The following MACROD2 variants were observed in gnomAD, a reference collection of about 807,000 sequenced individuals.
MACROD2 encodes the protein mono-ADP ribosylhydrolase 2, also known as ADP-ribose glycohydrolase MACROD2.
In MACROD2, 36 loss-of-function variants were observed where a neutral mutation model predicts 70.4. That is an observed-to-expected ratio of 0.51 (90% confidence interval 0.39 to 0.68). The LOEUF (loss-of-function observed/expected upper bound fraction) is 0.68. Among genes scored for constraint, MACROD2 ranks in the 30% least tolerant of loss-of-function variants. The pLI, the probability that MACROD2 is intolerant of heterozygous loss-of-function variation, is 0.00. For synonymous variants in MACROD2, 172 were observed against 178.8 expected (o/e 0.96, Z 0.30); for missense variants, 496 against 538.4 (o/e 0.92, Z 0.78).
At chr20:15,158,215 A>C (rs753542918) in intron 5 of MACROD2, among the ~76,000 whole-genome samples, 3 of 152,156 alleles carry the variant, frequency 2.0e-5, no homozygotes, top group Non-Finnish European at 4.4e-5. Flanking sequence ...TTCAACTTGC[A>C]GGTTTCTTTT....
At chr20:14,764,669 C>T (rs1353560981) in intron 5 of MACROD2, among the ~76,000 whole-genome samples, 1 of 152,034 alleles carries the variant, frequency 6.6e-6, no homozygotes, top group Admixed American at 6.5e-5. Context: ...AAACTGCACC[C>T]AGTGAGTATT....
Position 15,577,646 on chromosome 20 carries a change from C to T in MACROD2, c.645+77799C>T, listed in dbSNP as rs542497623. ...GTACTCCCTGCGTGCGTACTCCCTG[C>T]GTGCGTACATATTTATGTGGGCATG... On this transcript the variant is annotated intron_variant, in intron 8 of 17. Coordinates refer to ENST00000684519, the MANE Select transcript of MACROD2 (RefSeq NM_001351661.2). Among the ~76,000 whole-genome samples, 5 of 148,242 alleles carry T rather than the reference C, an allele frequency of 3.4e-5. No homozygotes were observed. The South Asian group carries it at 6.4e-4, about 19-fold the overall frequency.
At chr20:14,077,796 G>T (rs960204415) in intron 2 of MACROD2, among the ~76,000 whole-genome samples, 3 of 151,622 alleles carry the variant, frequency 2.0e-5, no homozygotes, top group African/African-American at 7.3e-5. Flanking sequence ...CCAACAGTGT[G>T]CTAATATAAA....
At chr20:14,142,078 C>T (rs2054883378) in intron 3 of MACROD2, among the ~76,000 whole-genome samples, 1 of 152,178 alleles carries the variant, frequency 6.6e-6, no homozygotes, top group Non-Finnish European at 1.5e-5. Context: ...GGTCACATTG[C>T]TGGTAAGCCA....
intron 3 of MACROD2, among the ~76,000 whole-genome samples, chr20:14,447,990 G>GTA (rs2084201816): frequency 6.6e-6 from 1 of 150,796 alleles, no homozygotes; most frequent in South Asian, 2.1e-4. Flanking sequence ...GTGTGTGTGT[G>GTA]TGTGTGTGTG....
At chr20:15,076,602 G>A (rs539342451) in intron 5 of MACROD2, among the ~76,000 whole-genome samples, 1 of 152,252 alleles carries the variant, frequency 6.6e-6, no homozygotes, top group African/African-American at 2.4e-5. Flanking sequence ...AAGGAGGTCT[G>A]TAGGAGATAT....
chr20:14,947,971 T>C (rs1436457861), intron 5 of MACROD2, among the ~76,000 whole-genome samples: 1 of 152,114 alleles, frequency 6.6e-6, no homozygotes, highest in African/African-American at 2.4e-5. Context: ...CACAAAAACT[T>C]TCTATCTTGT....
chr20:15,966,310 C>T (rs1369632081), intron 12 of MACROD2, among the ~76,000 whole-genome samples: 5 of 152,178 alleles, frequency 3.3e-5, no homozygotes, highest in African/African-American at 9.7e-5. Flanking sequence ...CATGGTCACA[C>T]GCTTACAAGA....
chr20:15,849,851 T>C (rs2064276694), intron 8 of MACROD2, among the ~76,000 whole-genome samples: 1 of 152,028 alleles, frequency 6.6e-6, no homozygotes, highest in African/African-American at 2.4e-5. Context: ...GGATAAACAA[T>C]GGCTCCATGG....
chr20:14,243,281 A>C (rs554647905), intron 3 of MACROD2, among the ~76,000 whole-genome samples: 56 of 152,308 alleles, frequency 3.7e-4, no homozygotes, highest in African/African-American at 1.3e-3. Context: ...GTTTGAAACA[A>C]AGTGAAATTA....
chr20:15,939,613 A>G lies in MACROD2; in HGVS notation c.907+2069A>G, dbSNP rs938471436. On this transcript the variant is annotated intron_variant, in intron 12 of 17. Transcript: ENST00000684519. ...GTACAAGGAACATAATGTTGTTTTCATGCCTGCTAACACATCTAGTGTGCA... is the reference window on the plus strand; with the variant it reads ...GTACAAGGAACATAATGTTGTTTTCGTGCCTGCTAACACATCTAGTGTGCA... 2.0e-5 allele frequency among the ~76,000 whole-genome samples: 3 copies of G among 151,884 alleles called. No homozygotes were observed. The Admixed American group carries it at 2.0e-4, about 10-fold the overall frequency.
At chr20:15,391,816 T>C (rs2045796751) in intron 6 of MACROD2, among the ~76,000 whole-genome samples, 2 of 152,248 alleles carry the variant, frequency 1.3e-5, no homozygotes, top group African/African-American at 4.8e-5. Context: ...TTGAAGGGCT[T>C]CACTTTTATT....
At chr20:14,767,312 A>T (rs1005681148) in intron 5 of MACROD2, among the ~76,000 whole-genome samples, 1 of 152,272 alleles carries the variant, frequency 6.6e-6, no homozygotes, top group Non-Finnish European at 1.5e-5. Flanking sequence ...TTGGTATAAA[A>T]GGATTAATTT....
At chr20:15,995,085 T>C (rs371860613) in intron 15 of MACROD2, among the ~76,000 whole-genome samples, 1 of 149,134 alleles carries the variant, frequency 6.7e-6, no homozygotes, top group Non-Finnish European at 1.5e-5. Flanking sequence ...AATTGAGTTA[T>C]TTTTTTTCTA....
chr20:15,184,725 T>G (rs1364548754), intron 5 of MACROD2, among the ~76,000 whole-genome samples: 1 of 152,172 alleles, frequency 6.6e-6, no homozygotes, highest in African/African-American at 2.4e-5. Flanking sequence ...GGAAATGCGG[T>G]CTTCCCAGTT....
At chr20:14,293,761 C>G (rs982130686) in intron 3 of MACROD2, among the ~76,000 whole-genome samples, 45 of 151,900 alleles carry the variant, frequency 3.0e-4, no homozygotes, top group Non-Finnish European at 5.1e-4. Context: ...AAATGATCAC[C>G]AAGAAGGACA....
chr20:14,258,670 A>G (rs953753618), intron 3 of MACROD2, among the ~76,000 whole-genome samples: 1 of 151,610 alleles, frequency 6.6e-6, no homozygotes, highest in African/African-American at 2.4e-5. Context: ...TTGTCTGTTT[A>G]CTCTGCTAAT....
intron 3 of MACROD2, among the ~76,000 whole-genome samples, chr20:14,254,128 T>C (rs2082034456): frequency 6.6e-6 from 1 of 152,144 alleles, no homozygotes; most frequent in Non-Finnish European, 1.5e-5. Context: ...CTGCAATCTT[T>C]ATGAAACGAA....
chr20:14,922,982 A>C lies in MACROD2; in HGVS notation c.418+238023A>C, dbSNP rs568076279. On this transcript the variant is annotated intron_variant, in intron 5 of 17. Transcript: ENST00000684519. ...CAAATATAAGCAGGATATTTCTACA[A>C]AGGCTGTTGCTTTTGAGTCAGAGTT... Among the ~76,000 whole-genome samples, 5 of 152,312 alleles carry C rather than the reference A, an allele frequency of 3.3e-5. No individual in the cohort carries two copies. In the South Asian group the frequency reaches 1.0e-3, roughly 32 times the overall value.
Sources: gnomAD v4.1 joint callset for allele counts (sites outside exome capture counted in the v4.1 genomes callset) on GRCh38, gnomAD v4.1.1 for gene constraint, MANE v1.5 for transcripts, NCBI Gene and HGNC (gene_info 2026-07-23, HGNC 2026-07-21) for gene names.